The following ELF2 variants were observed in gnomAD, a reference collection of about 807,000 sequenced individuals.
The protein encoded by ELF2 is E74 like ETS transcription factor 2.
ELF2 carries 11 observed loss-of-function variants against 54.8 expected under a neutral mutation model. The observed-to-expected ratio is 0.20, with a 90% CI of 0.13 to 0.33. The LOEUF (loss-of-function observed/expected upper bound fraction) is 0.33. Ranked by LOEUF, ELF2 falls within the 10% of genes least tolerant of loss-of-function variation. ELF2 has a pLI of 1.00. For synonymous variants in ELF2, 203 were observed against 245.1 expected, an observed-to-expected ratio of 0.83 and a Z score of 1.61; for missense variants, 513 against 703.0, an observed-to-expected ratio of 0.73 and a Z score of 3.06.
At chr4:139,100,366 T>G (rs943811796) in intron 4 of ELF2, 2 of 152,194 alleles carry the variant, frequency 1.3e-5, no homozygotes, top group African/African-American at 4.8e-5. Flanking sequence ...AAGACCATAT[T>G]AAAAACTCCT....
intron 1 of ELF2, among the ~76,000 whole-genome samples, chr4:139,154,367 ACTAC>A: frequency 6.6e-6 from 1 of 152,214 alleles, no homozygotes; most frequent in South Asian, 2.1e-4. Context: ...CTTTACATAA[ACTAC>A]CTGACACACT....
intron 1 of ELF2, among the ~76,000 whole-genome samples, chr4:139,172,782 T>C (rs1271140939): frequency 6.8e-6 from 1 of 147,968 alleles, no homozygotes; most frequent in African/African-American, 2.5e-5. Flanking sequence ...TTAAACTTTA[T>C]CCTAGGTATA....
chr4:139,160,378 A>G (rs1741011037), intron 1 of ELF2, among the ~76,000 whole-genome samples: 1 of 152,190 alleles, frequency 6.6e-6, no homozygotes, highest in Non-Finnish European at 1.5e-5. Flanking sequence ...GTCATGTGTA[A>G]AAAGTGAATA....
intron 4 of ELF2, among the ~76,000 whole-genome samples, chr4:139,082,463 G>A (rs1207129399): frequency 2.0e-5 from 3 of 152,150 alleles, no homozygotes; most frequent in Non-Finnish European, 4.4e-5. Context: ...TCACTACTCA[G>A]TAAACTGCAT....
At chr4:139,064,444 A>G (rs1375942018) in intron 7 of ELF2, among the ~76,000 whole-genome samples, 1 of 152,236 alleles carries the variant, frequency 6.6e-6, no homozygotes, top group Non-Finnish European at 1.5e-5. Context: ...TTCCAAAACA[A>G]GCCAGCACTA....
chr4:139,102,728 C>G (rs1734025824), intron 4 of ELF2, among the ~76,000 whole-genome samples: 1 of 151,552 alleles, frequency 6.6e-6, no homozygotes, highest in Non-Finnish European at 1.5e-5. Flanking sequence ...GTAATCCCAG[C>G]TACTCGGGAG....
chr4:139,066,034 G>C (rs1263300431), intron 7 of ELF2: 1 of 30,628 alleles, frequency 3.3e-5, no homozygotes. Flanking sequence ...TTTTTTTTTT[G>C]ACCTAATGAA....
At chr4:139,108,093 T>TTTGTCGATGATCAATCAA (rs1476387209) in intron 4 of ELF2, among the ~76,000 whole-genome samples, 1 of 152,186 alleles carries the variant, frequency 6.6e-6, no homozygotes, top group African/African-American at 2.4e-5. Flanking sequence ...TGACAATCAA[T>TTTGTCGATGATCAATCAA]TTGTCGATGA....
chr4:139,069,987 T>C (rs1312260099), intron 6 of ELF2, among the ~76,000 whole-genome samples: 1 of 151,806 alleles, frequency 6.6e-6, no homozygotes, highest in Non-Finnish European at 1.5e-5. Context: ...ACTACAGGCA[T>C]GTGCCACCAT....
chr4:139,063,039 C>T (rs540105513), intron 7 of ELF2, among the ~76,000 whole-genome samples: 4 of 152,226 alleles, frequency 2.6e-5, no homozygotes, highest in Admixed American at 2.6e-4. Context: ...GGGCATATCA[C>T]GTGAGGTCAG....
At chr4:139,113,011 T>C (rs943029994) in intron 4 of ELF2, among the ~76,000 whole-genome samples, 9 of 152,382 alleles carry the variant, frequency 5.9e-5, no homozygotes, top group Non-Finnish European at 1.3e-4. Context: ...GATATACTTT[T>C]CTTTCCTTTT....
chr4:139,083,780 A>G (rs1043676224), intron 4 of ELF2, among the ~76,000 whole-genome samples: 5 of 152,200 alleles, frequency 3.3e-5, no homozygotes, highest in Admixed American at 6.5e-5. Context: ...CTGGTTCCTC[A>G]GCAACTGGGG....
At chr4:139,145,594 A>G (rs558537377) in intron 1 of ELF2, among the ~76,000 whole-genome samples, 2 of 152,310 alleles carry the variant, frequency 1.3e-5, no homozygotes, top group Admixed American at 1.3e-4. Flanking sequence ...AAAAGAAAGA[A>G]AACTACAGAC....
In ELF2 at chr4:139,103,588, C is replaced by A. The variant is rs577458532; in HGVS notation, c.238+21576G>T. On this transcript the variant is annotated intron_variant, in intron 4 of 9. Coordinates refer to ENST00000686138, the MANE Select transcript of ELF2 (RefSeq NM_001331036.3). ...CAGCAAGGGCATGGGACCTCCATGA[C>A]CCTTCCCCAATACTTCACGCCCTAT... 2.0e-5 allele frequency among the ~76,000 whole-genome samples: 3 copies of A among 152,354 alleles called. No homozygotes were observed. The East Asian group carries it at 5.8e-4, about 29-fold the overall frequency.
intron 9 of ELF2, among the ~76,000 whole-genome samples, chr4:139,060,080 C>T (rs1578650123): frequency 6.6e-6 from 1 of 152,192 alleles, no homozygotes; most frequent in African/African-American, 2.4e-5. Context: ...GACCTCCTGT[C>T]CTCAAGCAAT....
intron 4 of ELF2, among the ~76,000 whole-genome samples, chr4:139,121,194 C>T (rs964425141): frequency 1.4e-5 from 2 of 147,404 alleles, no homozygotes; most frequent in Middle Eastern, 3.5e-3. Context: ...CTGCAAGCTC[C>T]GCCTCCCGGG....
chr4:139,086,035 C>G (rs1393885745), intron 4 of ELF2, among the ~76,000 whole-genome samples: 2 of 151,994 alleles, frequency 1.3e-5, no homozygotes, highest in Non-Finnish European at 1.5e-5. Flanking sequence ...ACAAAACAGT[C>G]TTCTATAAAA....
intron 8 of ELF2, 132 bp downstream of exon 8, chr4:139,061,733 C>T: frequency 1.0e-6 from 1 of 998,412 alleles, no homozygotes; most frequent in South Asian, 2.0e-5. Flanking sequence ...ACTTCCAAAT[C>T]TAAGAAGCTC....
At chr4:139,107,425 A>T (rs1350386752) in intron 4 of ELF2, among the ~76,000 whole-genome samples, 3 of 152,198 alleles carry the variant, frequency 2.0e-5, no homozygotes, top group African/African-American at 7.2e-5. Context: ...GAGGTGATGG[A>T]TATCCCAATT....
Sources: gnomAD v4.1 joint callset for allele counts (sites outside exome capture counted in the v4.1 genomes callset) on GRCh38, gnomAD v4.1.1 for gene constraint, MANE v1.5 for transcripts, NCBI Gene and HGNC (gene_info 2026-07-23, HGNC 2026-07-21) for gene names.